Variants in MTM1 observed in about 807,000 individuals in gnomAD.
MTM1 encodes myotubularin.
In MTM1, 9 loss-of-function variants were observed where a neutral mutation model predicts 52.1. That is an observed-to-expected ratio of 0.17 (90% CI 0.10 to 0.30). The LOEUF (loss-of-function observed/expected upper bound fraction) is 0.30, where lower values mean the gene tolerates loss of function less well. MTM1 is among the 10% of genes least tolerant of loss of function. The pLI is 1.00. For synonymous variants in MTM1, 136 were observed against 163.8 expected, an observed-to-expected ratio of 0.83 and a Z score of 1.29; for missense variants, 277 against 470.7, an observed-to-expected ratio of 0.59 and a Z score of 3.81.
chrX:150,663,321 A>G, intron 13 of MTM1, 112 bp from the exon 14 acceptor site: 1 of 837,295 alleles, frequency 1.2e-6, no homozygotes, highest in Non-Finnish European at 1.7e-6. Context: ...GATAATGTAA[A>G]TGTGTGATTC....
Position 150,672,580 on chromosome X carries a change from T to C in MTM1, c.*985T>C, listed in dbSNP as rs2040412330. On this transcript the variant is annotated 3_prime_UTR_variant, in exon 15 of 15. Transcript: ENST00000370396. ...TGTTTATGCATTTCAATTTCAATGGTGTTGGCTTCCCCTCCCCACCCCACG... is the reference window on the plus strand; with the variant it reads ...TGTTTATGCATTTCAATTTCAATGGCGTTGGCTTCCCCTCCCCACCCCACG... The C allele has an allele frequency of 8.9e-6, 1 of 111,763 alleles. No individual in the cohort carries two copies. Among genetic ancestry groups the C allele is most frequent in the Admixed American group, 9.5e-5 (1 of 10,529 alleles). 9.2% of individuals were successfully genotyped at this position (111,763 alleles called of 1,213,427 possible).
At chrX:150,590,250 A>G (rs1218018712) in intron 1 of MTM1, among the ~76,000 whole-genome samples, 1 of 112,348 alleles carries the variant, frequency 8.9e-6, no homozygotes, top group Non-Finnish European at 1.9e-5. Flanking sequence ...GAACTGGCAC[A>G]TGTTATCTGG....
chrX:150,592,784 A>G, intron 2 of MTM1, 107 bp downstream of exon 2: 1 of 544,920 alleles, frequency 1.8e-6, no homozygotes. Flanking sequence ...TTTATTATTC[A>G]TTCACATATA....
At chrX:150,647,194 AATATATAT>A (rs59931479) in intron 9 of MTM1, among the ~76,000 whole-genome samples, 972 of 83,840 alleles carry the variant, frequency 0.012, 44 homozygotes, top group African/African-American at 0.052. Context: ...TTTCAGGGTG[AATATATAT>A]ATATATATAT....
At chrX:150,609,621 C>T (rs782377727) in intron 4 of MTM1, among the ~76,000 whole-genome samples, 1 of 111,304 alleles carries the variant, frequency 9.0e-6, no homozygotes, top group Non-Finnish European at 1.9e-5. Context: ...TAAAATCGGC[C>T]GTGTTCATCT....
chrX:150,659,429 A>G (rs1303994613), intron 11 of MTM1, among the ~76,000 whole-genome samples: 3 of 111,825 alleles, frequency 2.7e-5, no homozygotes, highest in Non-Finnish European at 5.6e-5. Context: ...ATCACCTAGG[A>G]TGATGATTCT....
At chrX:150,646,769 A>G (rs1203018903) in intron 9 of MTM1, among the ~76,000 whole-genome samples, 1 of 112,440 alleles carries the variant, frequency 8.9e-6, no homozygotes, top group Non-Finnish European at 1.9e-5. Flanking sequence ...AGCATCTTCA[A>G]TTATTCAGAA....
At chrX:150,581,190 T>A (rs990848754) in intron 1 of MTM1, among the ~76,000 whole-genome samples, 4 of 111,964 alleles carry the variant, frequency 3.6e-5, no homozygotes, top group African/African-American at 9.7e-5. Context: ...AAAATTAAGA[T>A]ATGGTTAAAG....
chrX:150,594,071 T>C (rs2038934825), intron 2 of MTM1, among the ~76,000 whole-genome samples: 1 of 110,723 alleles, frequency 9.0e-6, no homozygotes, highest in South Asian at 3.8e-4. Context: ...GAGTTCTTAT[T>C]GATTATGTGT....
chrX:150,574,075 A>G (rs1461130234), intron 1 of MTM1, among the ~76,000 whole-genome samples: 2 of 111,378 alleles, frequency 1.8e-5, no homozygotes, highest in Non-Finnish European at 3.8e-5. Context: ...TGGGAGAGAA[A>G]GCACAGGTCC....
upstream of MTM1, among the ~76,000 whole-genome samples, chrX:150,565,398 T>A (rs1297956061): frequency 9.8e-5 from 11 of 112,026 alleles, no homozygotes; most frequent in Non-Finnish European, 7.5e-5. Flanking sequence ...ACAGCTACAT[T>A]TAAAATTTTT....
At chrX:150,590,125 A>C (rs1311889934) in intron 1 of MTM1, among the ~76,000 whole-genome samples, 3 of 111,937 alleles carry the variant, frequency 2.7e-5, no homozygotes, top group African/African-American at 9.7e-5. Flanking sequence ...GTCAGCTGCA[A>C]CATTTGTGCA....
chrX:150,640,115 C>G (rs1171341925), intron 7 of MTM1, among the ~76,000 whole-genome samples: 2 of 111,661 alleles, frequency 1.8e-5, no homozygotes, highest in Non-Finnish European at 3.8e-5. Context: ...CAGTTCTGGA[C>G]TAGCTACTGA....
chrX:150,571,746 G>A (rs2038381318), intron 1 of MTM1, among the ~76,000 whole-genome samples: 4 of 112,105 alleles, frequency 3.6e-5, no homozygotes, highest in Admixed American at 1.9e-4. Flanking sequence ...AGTGTCCTCC[G>A]TTCTTGCAGT....
chrX:150,580,337 C>T (rs782626597), intron 1 of MTM1, among the ~76,000 whole-genome samples: 7 of 111,956 alleles, frequency 6.3e-5, no homozygotes, highest in African/African-American at 1.6e-4. Context: ...CTCCTAGTGT[C>T]GATAACAGAA....
At chrX:150,616,756 G>A (rs989273194) in intron 5 of MTM1, among the ~76,000 whole-genome samples, 9 of 111,774 alleles carry the variant, frequency 8.1e-5, no homozygotes, top group Non-Finnish European at 3.8e-5. Context: ...CCATGTACTC[G>A]CCTTAAAGAC....
intron 8 of MTM1, among the ~76,000 whole-genome samples, chrX:150,642,505 C>T (rs1159549066): frequency 1.8e-5 from 2 of 111,631 alleles, no homozygotes; most frequent in African/African-American, 3.3e-5. Flanking sequence ...CATATCTTCG[C>T]GATATAAATT....
At chrX:150,617,425 A>G (rs1476152944) in intron 5 of MTM1, among the ~76,000 whole-genome samples, 1 of 111,907 alleles carries the variant, frequency 8.9e-6, no homozygotes, top group African/African-American at 3.3e-5. Flanking sequence ...CCCCTTATTT[A>G]ACTGTTCATT....
rs1569565353 is a variant in MTM1 at position 150,583,915 on chromosome X, A to AT, written c.-10-8689dup. ...TATATTTGATATATATATATATAAT[A>AT]TAAAATATATATTAAATTAAAATAT... On this transcript the variant is annotated intron_variant, in intron 1 of 14. Transcript: ENST00000370396. Among the ~76,000 whole-genome samples, 14 of 51,958 alleles carry AT rather than the reference A, an allele frequency of 2.7e-4. 2 individuals are homozygous for AT. The highest frequency in any genetic ancestry group is 3.5e-5 in the Non-Finnish European group (1 of 28,721). 45.1% of individuals were successfully genotyped at this position (51,958 alleles called of 115,157 possible).
Sources: allele counts gnomAD v4.1 joint callset (sites outside exome capture counted in the v4.1 genomes callset), GRCh38; gene constraint gnomAD v4.1.1; transcripts MANE v1.5; gene names NCBI Gene and HGNC (gene_info 2026-07-23, HGNC 2026-07-21).